Variants in MTMR12 observed in about 807,000 individuals in gnomAD.
MTMR12 encodes the protein myotubularin related protein 12, also known as myotubularin-related protein 12.
A neutral mutation model predicts 96.7 loss-of-function variants in MTMR12; 33 were observed. The ratio of observed to expected loss-of-function variants is 0.34; its 90% confidence interval spans 0.26 to 0.46. The LOEUF is 0.46. Among genes scored for constraint, MTMR12 ranks in the 20% least tolerant of loss-of-function variants. MTMR12 has a pLI of 1.00. For synonymous variants in MTMR12, 298 were observed against 327.2 expected (o/e 0.91, Z 0.96); for missense variants, 721 against 896.1 (o/e 0.80, Z 2.49).
intron 9 of MTMR12, among the ~76,000 whole-genome samples, chr5:32,248,558 A>G (rs1748786762): frequency 6.6e-6 from 1 of 152,208 alleles, no homozygotes. Flanking sequence ...TGAAGACTTT[A>G]GCGTGCACCT....
At chr5:32,306,041 T>C (rs746392595) in intron 1 of MTMR12, among the ~76,000 whole-genome samples, 43 of 152,038 alleles carry the variant, frequency 2.8e-4, no homozygotes, top group Non-Finnish European at 5.1e-4. Context: ...AGTTACCTGG[T>C]TGACAATCTA....
chr5:32,278,619 C>CT (rs1750152866), intron 1 of MTMR12, among the ~76,000 whole-genome samples: 1 of 152,142 alleles, frequency 6.6e-6, no homozygotes, highest in Admixed American at 6.5e-5. Context: ...AGCTTGTTAT[C>CT]TAAACACTCT....
chr5:32,239,826 C>A (rs540402248), intron 12 of MTMR12, among the ~76,000 whole-genome samples: 44 of 152,364 alleles, frequency 2.9e-4, no homozygotes, highest in African/African-American at 1.0e-3. Context: ...TCCTAGGAGA[C>A]AAACTCTCCT....
At chr5:32,236,532 G>C (rs905908797) in intron 13 of MTMR12, among the ~76,000 whole-genome samples, 1 of 150,420 alleles carries the variant, frequency 6.6e-6, no homozygotes, top group East Asian at 2.0e-4. Flanking sequence ...GGGCAACAGA[G>C]AGAGACCATG....
chr5:32,284,317 CAAA>C (rs57597487), intron 1 of MTMR12, among the ~76,000 whole-genome samples: 4 of 47,268 alleles, frequency 8.5e-5, no homozygotes, highest in Non-Finnish European at 1.4e-4. Flanking sequence ...GACCCTGTCT[CAAA>C]AAAAAAAAAA....
At chr5:32,307,928 C>T (rs1333581370) in intron 1 of MTMR12, among the ~76,000 whole-genome samples, 1 of 152,224 alleles carries the variant, frequency 6.6e-6, no homozygotes, top group African/African-American at 2.4e-5. Flanking sequence ...GGTATCATTA[C>T]ATCATAAGGT....
At chr5:32,267,565 T>C (rs1199838911) in intron 6 of MTMR12, among the ~76,000 whole-genome samples, 1 of 152,162 alleles carries the variant, frequency 6.6e-6, no homozygotes, top group African/African-American at 2.4e-5. Context: ...TGAAAAACAT[T>C]TGGAACTTCA....
chr5:32,293,737 G>A (rs569542434), intron 1 of MTMR12, among the ~76,000 whole-genome samples: 1 of 152,186 alleles, frequency 6.6e-6, no homozygotes, highest in African/African-American at 2.4e-5. Flanking sequence ...AACAGTATAG[G>A]CTGATGATCC....
In MTMR12 at chr5:32,263,167, C is replaced by T. The variant is rs1482029208; in HGVS notation, c.659G>A (p.Gly220Asp). 2 of 1,614,050 alleles carry T rather than the reference C, an allele frequency of 1.2e-6. No individual in the cohort carries two copies. The highest frequency in any genetic ancestry group is 1.7e-6 in the Non-Finnish European group (2 of 1,180,048). ...DWCWELERTKGNMKYKAVSVN... is the reference protein window; with the variant it reads ...DWCWELERTKDNMKYKAVSVN... ...ACTCACTGCTTTGTACTTCATGTTG[C>T]CTTTGGTCCGTTCCAGTTCCCAACA... The change falls in exon 7 of 16, where the codon GGC becomes GAC. Residue 220 changes from glycine to aspartate, a missense_variant. Gly to Asp is a moderately conservative substitution (Grantham distance 94). Coordinates refer to ENST00000382142, the MANE Select transcript of MTMR12 (RefSeq NM_001040446.3).
chr5:32,288,448 C>A (rs1424007691), intron 1 of MTMR12, among the ~76,000 whole-genome samples: 1 of 152,150 alleles, frequency 6.6e-6, no homozygotes. Context: ...CCCCCAACAC[C>A]CCTGTTTGCT....
intron 8 of MTMR12, among the ~76,000 whole-genome samples, chr5:32,255,055 A>G (rs1220398538): frequency 1.3e-5 from 2 of 152,124 alleles, no homozygotes; most frequent in Admixed American, 1.3e-4. Context: ...GCTTCTGGGC[A>G]CGTGACCCTG....
intron 1 of MTMR12, among the ~76,000 whole-genome samples, chr5:32,310,223 A>G (rs1751520899): frequency 6.6e-6 from 1 of 152,190 alleles, no homozygotes; most frequent in Non-Finnish European, 1.5e-5. Context: ...AAATGGCTTG[A>G]GTACAGGAGG....
intron 11 of MTMR12, 34 bp downstream of exon 11, chr5:32,243,487 C>T (rs370373116): frequency 5.3e-6 from 8 of 1,509,902 alleles, no homozygotes; most frequent in Middle Eastern, 1.7e-4. Flanking sequence ...TATACAATTA[C>T]AAAATTCATG....
chr5:32,273,387 A>G (rs1019931296), intron 3 of MTMR12, among the ~76,000 whole-genome samples: 7 of 152,194 alleles, frequency 4.6e-5, no homozygotes, highest in Admixed American at 2.6e-4. Context: ...AAAACAATTA[A>G]AAATAAAAAA....
chr5:32,257,052 G>C (rs919509057), intron 7 of MTMR12, among the ~76,000 whole-genome samples: 5 of 152,218 alleles, frequency 3.3e-5, no homozygotes, highest in Non-Finnish European at 5.9e-5. Flanking sequence ...GGAGGCTGAG[G>C]CATGGTGGCA....
chr5:32,246,459 C>G (rs999217426), intron 10 of MTMR12, among the ~76,000 whole-genome samples: 8 of 152,194 alleles, frequency 5.3e-5, no homozygotes, highest in Non-Finnish European at 1.2e-4. Context: ...CTGCGCCCAG[C>G]AAGTAGGTTT....
chr5:32,309,996 C>G (rs545179857), intron 1 of MTMR12, among the ~76,000 whole-genome samples: 4 of 152,110 alleles, frequency 2.6e-5, no homozygotes, highest in African/African-American at 2.4e-5. Context: ...TCCGGCAAGC[C>G]CACTGCTAGG....
At chr5:32,253,861 C>A (rs928586545) in intron 8 of MTMR12, among the ~76,000 whole-genome samples, 189 of 152,332 alleles carry the variant, frequency 1.2e-3, no homozygotes, top group African/African-American at 4.3e-3. Flanking sequence ...CGGGTTCAAG[C>A]GATCTGCCTG....
intron 1 of MTMR12, among the ~76,000 whole-genome samples, chr5:32,302,915 G>A (rs1751206157): frequency 6.6e-6 from 1 of 152,108 alleles, no homozygotes; most frequent in South Asian, 2.1e-4. Context: ...TTTAGAGATA[G>A]CAAAAAATTT....
Sources: allele counts gnomAD v4.1 joint callset (sites outside exome capture counted in the v4.1 genomes callset), GRCh38; gene constraint gnomAD v4.1.1; transcripts MANE v1.5; gene names NCBI Gene and HGNC (gene_info 2026-07-23, HGNC 2026-07-21).